LRP1B: variants seen among roughly 807,000 people sequenced by gnomAD.
The protein encoded by LRP1B is low-density lipoprotein receptor-related protein 1B.
In LRP1B, 217 loss-of-function variants were observed where a neutral mutation model predicts 556.6. The observed-to-expected ratio is 0.39, with a 90% CI of 0.35 to 0.44. LRP1B has a LOEUF of 0.44. Among genes scored for constraint, LRP1B ranks in the 20% least tolerant of loss-of-function variants. The probability of loss-of-function intolerance (pLI) is 1.00; values close to 1 mark genes in which losing one functional copy is unlikely to be tolerated. For missense variants in LRP1B, 5,053 were observed against 5,620.8 expected, an observed-to-expected ratio of 0.90 and a Z score of 3.23; for synonymous variants, 2,047 against 1,865.8, an observed-to-expected ratio of 1.10 and a Z score of -2.50.
chr2:140,302,155 C>CT (rs1466059016), intron 83 of LRP1B, among the ~76,000 whole-genome samples: 1 of 152,034 alleles, frequency 6.6e-6, no homozygotes, highest in Non-Finnish European at 1.5e-5. Context: ...TATGTTTTCT[C>CT]TTTCTCTCAA....
intron 1 of LRP1B, among the ~76,000 whole-genome samples, chr2:142,068,801 T>C (rs1217052863): frequency 2.0e-5 from 3 of 151,568 alleles, no homozygotes; most frequent in Admixed American, 6.6e-5. Context: ...AGCCTGTCTT[T>C]CCTTTTCCAA....
At chr2:141,763,719 T>C (rs1694638573) in intron 2 of LRP1B, among the ~76,000 whole-genome samples, 1 of 152,178 alleles carries the variant, frequency 6.6e-6, no homozygotes, top group African/African-American at 2.4e-5. Context: ...AATAGTCAGA[T>C]GCAGAAGATG....
intron 87 of LRP1B, among the ~76,000 whole-genome samples, chr2:140,245,803 C>T (rs1347333975): frequency 6.6e-6 from 1 of 151,250 alleles, no homozygotes; most frequent in Admixed American, 6.6e-5. Context: ...AACCAATTCC[C>T]CAAATCCCAG....
intron 1 of LRP1B, among the ~76,000 whole-genome samples, chr2:141,913,380 T>C (rs79127300): frequency 0.02 from 3,036 of 152,280 alleles, 42 homozygotes; most frequent in Non-Finnish European, 0.031. Flanking sequence ...TGAATGTATG[T>C]ATTTTCTTTT....
chr2:140,683,529 T>C (rs1685937377), intron 41 of LRP1B: 2 of 621,900 alleles, frequency 3.2e-6, no homozygotes, highest in Non-Finnish European at 6.1e-6. Flanking sequence ...GTCAGCATCA[T>C]ATGGATTTCC....
chr2:142,118,394 T>G (rs1429870496), intron 1 of LRP1B, among the ~76,000 whole-genome samples: 1 of 152,192 alleles, frequency 6.6e-6, no homozygotes, highest in Non-Finnish European at 1.5e-5. Flanking sequence ...ATTTTTCAGG[T>G]GTCTCCCCAG....
intron 2 of LRP1B, among the ~76,000 whole-genome samples, chr2:141,678,554 C>T (rs164978): frequency 0.22 from 33,808 of 151,832 alleles, 5,382 homozygotes; most frequent in African/African-American, 0.44. Flanking sequence ...TTTGTCAATG[C>T]GGATAGAAGA....
intron 41 of LRP1B, among the ~76,000 whole-genome samples, chr2:140,636,282 A>T (rs1684068596): frequency 6.6e-6 from 1 of 152,166 alleles, no homozygotes; most frequent in Non-Finnish European, 1.5e-5. Context: ...GTGGTAGATT[A>T]TGTATAGTAG....
chr2:140,532,816 T>C (rs937774860), intron 47 of LRP1B, among the ~76,000 whole-genome samples: 39 of 151,800 alleles, frequency 2.6e-4, no homozygotes, highest in Non-Finnish European at 4.7e-4. Flanking sequence ...ACCTTATTTT[T>C]AGTTTAAGAC....
intron 41 of LRP1B, among the ~76,000 whole-genome samples, chr2:140,633,992 A>G (rs1401054605): frequency 1.3e-5 from 2 of 152,188 alleles, no homozygotes; most frequent in Non-Finnish European, 2.9e-5. Flanking sequence ...TAAAGACATT[A>G]TAAGAAAGGA....
At chr2:141,132,345 T>C (rs1701379984) in intron 7 of LRP1B, among the ~76,000 whole-genome samples, 2 of 151,906 alleles carry the variant, frequency 1.3e-5, no homozygotes, top group Admixed American at 6.6e-5. Flanking sequence ...ATGGATTAGT[T>C]CCTCTGACAG....
At chr2:140,282,935 C>A (rs767751493) in intron 84 of LRP1B, among the ~76,000 whole-genome samples, 10 of 151,658 alleles carry the variant, frequency 6.6e-5, no homozygotes, top group Non-Finnish European at 1.5e-4. Context: ...AAATAATAGC[C>A]GAGAAATCAC....
chr2:140,520,981 A>T (rs975958992), intron 49 of LRP1B, among the ~76,000 whole-genome samples: 1 of 151,756 alleles, frequency 6.6e-6, no homozygotes, highest in Admixed American at 6.6e-5. Context: ...CTGGTCCTTC[A>T]TATTAATTTT....
chr2:140,877,179 A>G (rs371475169), intron 25 of LRP1B, among the ~76,000 whole-genome samples: 1 of 152,174 alleles, frequency 6.6e-6, no homozygotes, highest in East Asian at 1.9e-4. Context: ...TATAACAGCA[A>G]CCTATTTAAA....
chr2:140,496,986 A>G (rs1432692848), intron 55 of LRP1B, among the ~76,000 whole-genome samples: 1 of 151,554 alleles, frequency 6.6e-6, no homozygotes, highest in African/African-American at 2.4e-5. Context: ...AAGCTATTAG[A>G]ATGATATATG....
At chr2:141,978,848 G>A (rs542577451) in intron 1 of LRP1B, among the ~76,000 whole-genome samples, 156 of 152,038 alleles carry the variant, frequency 1.0e-3, no homozygotes, top group African/African-American at 3.6e-3. Context: ...ATGAATACAT[G>A]TGCATATGTA....
intron 66 of LRP1B, among the ~76,000 whole-genome samples, chr2:140,442,109 C>T (rs1686454511): frequency 6.6e-6 from 1 of 151,496 alleles, no homozygotes; most frequent in Non-Finnish European, 1.5e-5. Context: ...CATACAATAT[C>T]ATTGAATAAC....
intron 1 of LRP1B, among the ~76,000 whole-genome samples, chr2:142,123,041 C>A (rs951241923): frequency 1.3e-5 from 2 of 152,006 alleles, no homozygotes; most frequent in African/African-American, 4.8e-5. Context: ...TCAAAGTTCT[C>A]TTTCTTGGCA....
At chr2:141,159,007 C>A (rs1200651184) in intron 7 of LRP1B, among the ~76,000 whole-genome samples, 1 of 152,068 alleles carries the variant, frequency 6.6e-6, no homozygotes, top group South Asian at 2.1e-4. Context: ...AACTATTCTA[C>A]ATATTGGTAT....
Sources: gnomAD v4.1 joint callset for allele counts (sites outside exome capture counted in the v4.1 genomes callset) on GRCh38, gnomAD v4.1.1 for gene constraint, MANE v1.5 for transcripts, NCBI Gene and HGNC (gene_info 2026-07-23, HGNC 2026-07-21) for gene names.